Variants in REST observed in about 807,000 individuals in gnomAD.
The protein encoded by REST is RE1-silencing transcription factor.
A neutral mutation model predicts 30.4 loss-of-function variants in REST; 1 was observed. That is an observed-to-expected ratio of 0.03 (90% CI 0.01 to 0.16). The LOEUF (loss-of-function observed/expected upper bound fraction) is 0.16, where lower values mean the gene tolerates loss of function less well. REST is among the 10% of genes least tolerant of loss of function. The pLI is 1.00. For missense variants in REST, 1,259 were observed against 1,329.5 expected, an observed-to-expected ratio of 0.95 and a Z score of 0.82; for synonymous variants, 504 against 451.1, an observed-to-expected ratio of 1.12 and a Z score of -1.49.
chr4:56,920,091 G>A, intron 3 of REST: 1 of 348,090 alleles, frequency 2.9e-6, no homozygotes. Context: ...TTTTCTGGGA[G>A]GAGGGGCCTT....
intron 3 of REST, among the ~76,000 whole-genome samples, chr4:56,926,905 T>A (rs1720735840): frequency 6.6e-6 from 1 of 151,858 alleles, no homozygotes; most frequent in Non-Finnish European, 1.5e-5. Flanking sequence ...GAGACCAGCC[T>A]GATCAACATG....
At chr4:56,916,883 A>T (rs924780944) in intron 2 of REST, among the ~76,000 whole-genome samples, 2 of 152,214 alleles carry the variant, frequency 1.3e-5, no homozygotes, top group Admixed American at 6.5e-5. Flanking sequence ...ATATATACCT[A>T]AGCGTGAGAT....
At chr4:56,918,656 C>G (rs1407566492) in intron 2 of REST, among the ~76,000 whole-genome samples, 2 of 152,180 alleles carry the variant, frequency 1.3e-5, no homozygotes, top group African/African-American at 2.4e-5. Flanking sequence ...ACTCTGGGCT[C>G]AAGTGATCCT....
chr4:56,923,244 T>C (rs893408511), intron 3 of REST, among the ~76,000 whole-genome samples: 6 of 152,226 alleles, frequency 3.9e-5, no homozygotes, highest in African/African-American at 1.4e-4. Context: ...TTACATATTA[T>C]AGGATACAAG....
intron 3 of REST, among the ~76,000 whole-genome samples, chr4:56,922,619 T>A (rs781652057): frequency 6.6e-6 from 1 of 152,196 alleles, no homozygotes; most frequent in Non-Finnish European, 1.5e-5. Context: ...GGCCAAGAGC[T>A]TTATATTAGT....
intron 3 of REST, chr4:56,922,290 A>ATTATTG (rs1348501677): frequency 7.4e-6 from 1 of 135,878 alleles, no homozygotes; most frequent in Non-Finnish European, 1.6e-5. Context: ...TATTATTATT[A>ATTATTG]TTATTATTAT....
intron 2 of REST, among the ~76,000 whole-genome samples, chr4:56,917,896 C>A (rs927509982): frequency 6.6e-6 from 1 of 151,372 alleles, no homozygotes; most frequent in African/African-American, 2.4e-5. Context: ...CTAAAAATAC[C>A]AAAAAATTAG....
chr4:56,909,190 G>A (rs1236213486), intron 1 of REST: 2 of 152,450 alleles, frequency 1.3e-5, no homozygotes, highest in Non-Finnish European at 2.9e-5. Flanking sequence ...GGCTCAGGAC[G>A]AGTGTCGGGG....
intron 3 of REST, among the ~76,000 whole-genome samples, chr4:56,928,032 C>T (rs551103615): frequency 2.6e-5 from 4 of 152,264 alleles, no homozygotes; most frequent in East Asian, 1.9e-4. Flanking sequence ...CTGGGAGTAT[C>T]GCCCAGAGTG....
intron 2 of REST, among the ~76,000 whole-genome samples, chr4:56,917,624 A>C (rs979755878): frequency 1.3e-5 from 2 of 152,230 alleles, no homozygotes; most frequent in East Asian, 1.9e-4. Context: ...TGTATTATTT[A>C]AGCTTTTGCA....
Position 56,931,012 on chromosome 4 carries a change from T to G in REST, c.2154T>G (p.Ser718=). The G allele has an allele frequency of 6.2e-7, 1 of 1,614,232 alleles. No individual in the cohort carries two copies. Among genetic ancestry groups the G allele is most frequent in the Non-Finnish European group, 8.5e-7 (1 of 1,180,044 alleles). ...PAQMEVAQVE[S]APMQVVQKEP... ...AGATGGAGGTTGCCCAGGTAGAATCTGCTCCCATGCAGGTGGTCCAGAAGG... is the reference window on the plus strand; with the variant it reads ...AGATGGAGGTTGCCCAGGTAGAATCGGCTCCCATGCAGGTGGTCCAGAAGG... Residue 718 remains serine, a synonymous_variant, in exon 4 of 4, where the codon TCT becomes TCG. Transcript: ENST00000309042.
intron 3 of REST, chr4:56,927,650 G>T (rs1197662882): frequency 3.2e-6 from 4 of 1,237,292 alleles, no homozygotes; most frequent in Non-Finnish European, 4.2e-6. Flanking sequence ...ATTTACTAGA[G>T]TGTGATCTAG....
In REST at chr4:56,916,943, C is replaced by A. The variant is rs371781793; in HGVS notation, c.899-2844C>A. ...TTTGGGTAATTGCCAAACTGTTTTC[C>A]AAATTAGCCATGCCATTTTACAATC... On this transcript the variant is annotated intron_variant, in intron 2 of 3. Coordinates refer to ENST00000309042, the MANE Select transcript of REST (RefSeq NM_005612.5). Among the ~76,000 whole-genome samples, 50 of 152,304 alleles carry A rather than the reference C, an allele frequency of 3.3e-4. 1 individual carries two copies. Among genetic ancestry groups the A allele is most frequent in the African/African-American group, 1.2e-3 (50 of 41,566 alleles).
chr4:56,912,460 C>G (rs1245647459), intron 2 of REST, among the ~76,000 whole-genome samples: 1 of 151,108 alleles, frequency 6.6e-6, no homozygotes. Context: ...TTGCTTCAGC[C>G]TCCCTGGCTC....
rs899168099 is a variant in REST, at chr4:56,930,932, G to A, written c.2074G>A (p.Glu692Lys). 1.2e-6 allele frequency: 2 copies of A among 1,613,768 alleles called. No individual in the cohort carries two copies. Among genetic ancestry groups the A allele is most frequent in the Non-Finnish European group, 1.7e-6 (2 of 1,179,784 alleles). The change falls in exon 4 of 4, where the codon GAG (glutamate) becomes AAG (lysine). Residue 692 changes from glutamate to lysine, a missense_variant. Transcript: ENST00000309042. ...TCACATGGAGCTGCCTCCTCCCATG[G>A]AGACTGCTCAGACGGAGGTTGCCCA... ...LAHMELPPPM[E>K]TAQTEVAQMG...
At chr4:56,926,379 A>T (rs570319261) in intron 3 of REST, among the ~76,000 whole-genome samples, 1 of 141,284 alleles carries the variant, frequency 7.1e-6, no homozygotes, top group Admixed American at 7.1e-5. Flanking sequence ...AGCCTTTTTT[A>T]TTTATTTATT....
Position 56,929,168 on chromosome 4 carries a change from A to G in REST, c.983-673A>G, listed in dbSNP as rs187197508. On this transcript the variant is annotated intron_variant, in intron 3 of 3. Transcript: ENST00000309042. ...CTGCAACCTCTGCCTCCTGGGTTAAAGCAATTCTCGTGTCTCAGCCTCCTG... is the reference window on the plus strand; with the variant it reads ...CTGCAACCTCTGCCTCCTGGGTTAAGGCAATTCTCGTGTCTCAGCCTCCTG... Among the ~76,000 whole-genome samples the G allele has an allele frequency of 1.9e-4, 29 of 151,706 alleles. No homozygotes were observed. In the East Asian group the frequency reaches 5.3e-3, roughly 28 times the overall value.
In REST at chr4:56,930,061, G is replaced by A; in HGVS notation, c.1203G>A (p.Lys401=). The A allele has an allele frequency of 6.2e-7, 1 of 1,614,084 alleles. No homozygotes were observed. Residue 401 remains lysine, a synonymous_variant, in exon 4 of 4, where the codon AAG becomes AAA. Transcript: ENST00000309042. ...TATGTGACTATGCAGCTTCCAAGAA[G>A]TGTAATCTACAGTATCACTTCAAAT... ...CPVCDYAASK[K]CNLQYHFKSK...
At position 56,914,648 on chromosome 4, in the gene REST, T is replaced by C. The variant is rs556143382; in HGVS notation, c.898+3112T>C. Among the ~76,000 whole-genome samples, 3 of 152,330 alleles carry C rather than the reference T, an allele frequency of 2.0e-5. No homozygotes were observed. In the East Asian group the frequency reaches 5.8e-4, roughly 29 times the overall value. On this transcript the variant is annotated intron_variant, in intron 2 of 3. Transcript: ENST00000309042. ...TATCTTAAATCCCAGCCATCATATA[T>C]ACTAAACTCATAAATAAGTACACCA... is the stretch of plus-strand genomic sequence containing the variant.
Sources: allele counts gnomAD v4.1 joint callset (sites outside exome capture counted in the v4.1 genomes callset), GRCh38; gene constraint gnomAD v4.1.1; transcripts MANE v1.5; gene names NCBI Gene and HGNC (gene_info 2026-07-23, HGNC 2026-07-21).